Variants in KIT observed in about 807,000 individuals in gnomAD.
KIT encodes mast/stem cell growth factor receptor Kit.
KIT carries 16 observed loss-of-function variants against 105.7 expected under a neutral mutation model. The ratio of observed to expected loss-of-function variants is 0.15; its 90% confidence interval spans 0.10 to 0.23. The LOEUF (loss-of-function observed/expected upper bound fraction) is 0.23, where lower values mean the gene tolerates loss of function less well. KIT is among the 10% of genes least tolerant of loss of function. The pLI is 1.00. For synonymous variants in KIT, 438 were observed against 441.1 expected (o/e 0.99, Z 0.09); for missense variants, 858 against 1,213.8 (o/e 0.71, Z 4.36).
intron 17 of KIT, 107 bp downstream of exon 17, chr4:54,733,299 A>G: frequency 7.7e-7 from 1 of 1,296,226 alleles, no homozygotes; most frequent in Non-Finnish European, 1.1e-6. Context: ...GTCTAGGGAT[A>G]TCACACATTT....
chr4:54,700,219 A>C (rs1309039010), intron 4 of KIT, among the ~76,000 whole-genome samples: 1 of 152,172 alleles, frequency 6.6e-6, no homozygotes, highest in African/African-American at 2.4e-5. Flanking sequence ...CTCGCCCACA[A>C]ATTGGCCTAT....
intron 1 of KIT, among the ~76,000 whole-genome samples, chr4:54,661,300 A>G (rs1212969861): frequency 1.3e-5 from 2 of 152,216 alleles, no homozygotes; most frequent in African/African-American, 4.8e-5. Context: ...TCTCATCAGA[A>G]ATGTGCCAAG....
chr4:54,671,666 G>A lies in KIT; in HGVS notation c.67+13585G>A, dbSNP rs186527974. Among the ~76,000 whole-genome samples, 337 of 152,190 alleles carry A rather than the reference G, an allele frequency of 2.2e-3. 10 individuals are homozygous for A. Among genetic ancestry groups the A allele is most frequent in the Non-Finnish European group, 5.3e-4 (36 of 68,012 alleles). ...AAATTTATTAGTTGACTAGGGAAGG[G>A]TTAAAAAAGCAGTAAGGAGTCTATG... On this transcript the variant is annotated intron_variant, in intron 1 of 20. Coordinates refer to ENST00000288135, the MANE Select transcript of KIT (RefSeq NM_000222.3).
intron 7 of KIT, among the ~76,000 whole-genome samples, chr4:54,713,074 GA>G (rs201411927): frequency 2.0e-5 from 3 of 150,742 alleles, no homozygotes; most frequent in Non-Finnish European, 3.0e-5. Flanking sequence ...TTTTTTAATT[GA>G]AAAAAAATCT....
intron 20 of KIT, among the ~76,000 whole-genome samples, chr4:54,737,652 A>G (rs1723003373): frequency 6.6e-6 from 1 of 152,190 alleles, no homozygotes; most frequent in Non-Finnish European, 1.5e-5. Context: ...GGTGATGTGA[A>G]CTAGAATAAA....
chr4:54,704,617 G>A (rs76622880), intron 5 of KIT, among the ~76,000 whole-genome samples: 3 of 152,142 alleles, frequency 2.0e-5, no homozygotes, highest in Non-Finnish European at 4.4e-5. Context: ...GCAGAGCATA[G>A]TGAGTTTCTT....
chr4:54,713,549 T>C (rs190250069), intron 7 of KIT, among the ~76,000 whole-genome samples: 1 of 152,318 alleles, frequency 6.6e-6, no homozygotes, highest in East Asian at 1.9e-4. Flanking sequence ...AAAATCAGAA[T>C]AATGAATGCA....
At chr4:54,678,342 T>TTCCC (rs1718650802) in intron 1 of KIT, among the ~76,000 whole-genome samples, 4 of 93,630 alleles carry the variant, frequency 4.3e-5, no homozygotes, top group Admixed American at 2.0e-4. Context: ...CCTTCCTTCC[T>TTCCC]TCCTTCCTTC....
In KIT at chr4:54,722,329, T is replaced by C. The variant is rs569959871; in HGVS notation, c.1232-1255T>C. On this transcript the variant is annotated intron_variant, in intron 7 of 20. Coordinates refer to ENST00000288135, the MANE Select transcript of KIT (RefSeq NM_000222.3). Reference sequence around the variant, plus strand: ...ATAATTGTTTCATTTCTATAAGTCATTCTTAGCTCTCTGTATGTGCCATCT... The same window carrying C: ...ATAATTGTTTCATTTCTATAAGTCACTCTTAGCTCTCTGTATGTGCCATCT... 5.3e-5 allele frequency among the ~76,000 whole-genome samples: 8 copies of C among 152,330 alleles called. No individual in the cohort carries two copies. In the South Asian group the frequency reaches 1.7e-3, roughly 32 times the overall value.
chr4:54,732,978 A>G (rs1722703794), intron 16 of KIT, 92 bp from the exon 17 acceptor site: 7 of 1,072,180 alleles, frequency 6.5e-6, no homozygotes, highest in Non-Finnish European at 8.4e-6. Flanking sequence ...TTTTTATAAT[A>G]TAAGCAACAC....
chr4:54,708,409 G>A (rs1283340972), intron 6 of KIT, among the ~76,000 whole-genome samples: 1 of 152,102 alleles, frequency 6.6e-6, no homozygotes, highest in African/African-American at 2.4e-5. Flanking sequence ...GGCAAGTAAG[G>A]ATGTGGCTCA....
chr4:54,735,230 C>T (rs932636240), intron 17 of KIT, among the ~76,000 whole-genome samples: 5 of 152,002 alleles, frequency 3.3e-5, no homozygotes, highest in Non-Finnish European at 1.5e-5. Flanking sequence ...TCCAAGTTCA[C>T]AGGCCCCTGA....
intron 1 of KIT, among the ~76,000 whole-genome samples, chr4:54,667,798 A>G (rs1176861961): frequency 1.3e-5 from 2 of 152,220 alleles, no homozygotes; most frequent in Non-Finnish European, 2.9e-5. Context: ...TAACTTTTAA[A>G]AATGGAAAAG....
intron 7 of KIT, among the ~76,000 whole-genome samples, chr4:54,716,531 A>G (rs1201254786): frequency 6.6e-6 from 1 of 152,158 alleles, no homozygotes; most frequent in Non-Finnish European, 1.5e-5. Flanking sequence ...TTTTTTAAAT[A>G]AAAATGAAGT....
intron 1 of KIT, among the ~76,000 whole-genome samples, chr4:54,685,005 C>A (rs1025873584): frequency 1.3e-5 from 2 of 152,152 alleles, no homozygotes; most frequent in African/African-American, 4.8e-5. Context: ...TTTTGCCATT[C>A]AAAGTAATGG....
chr4:54,687,395 G>A (rs893831712), intron 1 of KIT, among the ~76,000 whole-genome samples: 15 of 151,902 alleles, frequency 9.9e-5, no homozygotes, highest in Middle Eastern at 3.4e-3. Flanking sequence ...CCGAGATCGC[G>A]CCACTGCCCT....
At chr4:54,676,523 A>G (rs933213602) in intron 1 of KIT, among the ~76,000 whole-genome samples, 1 of 152,210 alleles carries the variant, frequency 6.6e-6, no homozygotes, top group African/African-American at 2.4e-5. Context: ...GTTAGTCCAG[A>G]CAGGAAAACA....
intron 8 of KIT, among the ~76,000 whole-genome samples, chr4:54,724,014 C>G (rs1400841759): frequency 1.3e-5 from 2 of 152,136 alleles, no homozygotes; most frequent in Admixed American, 6.5e-5. Context: ...ATTCTATACA[C>G]AGGAGGTAAT....
chr4:54,724,897 G>T (rs1722124287), intron 8 of KIT, among the ~76,000 whole-genome samples: 1 of 152,188 alleles, frequency 6.6e-6, no homozygotes, highest in African/African-American at 2.4e-5. Flanking sequence ...ACACATAATA[G>T]ATGGAATAAA....
Sources: gnomAD v4.1 joint callset for allele counts (sites outside exome capture counted in the v4.1 genomes callset) on GRCh38, gnomAD v4.1.1 for gene constraint, MANE v1.5 for transcripts, NCBI Gene and HGNC (gene_info 2026-07-23, HGNC 2026-07-21) for gene names.